The following TMEM67 variants were observed in gnomAD, a reference collection of about 807,000 sequenced individuals.
The protein encoded by TMEM67 is transmembrane protein 67, also known as meckelin.
In TMEM67, 124 loss-of-function variants were observed where a neutral mutation model predicts 136.6. That is an observed-to-expected ratio of 0.91 (90% CI 0.78 to 1.05). The LOEUF is 1.05. Among genes scored for constraint, TMEM67 ranks in the 50% least tolerant of loss-of-function variants. The probability of loss-of-function intolerance (pLI) is 0.00; values close to 1 mark genes in which losing one functional copy is unlikely to be tolerated. For missense variants in TMEM67, 1,107 were observed against 1,178.4 expected (o/e 0.94, Z 0.89); for synonymous variants, 364 against 390.5 (o/e 0.93, Z 0.80).
chr8:93,819,615 C>T (rs1319917144), downstream of TMEM67, among the ~76,000 whole-genome samples: 1 of 152,088 alleles, frequency 6.6e-6, no homozygotes, highest in Non-Finnish European at 1.5e-5. Context: ...CTTAACTGTA[C>T]TTCTGGGTCA....
chr8:93,758,209 G>C (rs1812667045), intron 2 of TMEM67, among the ~76,000 whole-genome samples: 1 of 152,180 alleles, frequency 6.6e-6, no homozygotes, highest in East Asian at 1.9e-4. Flanking sequence ...AATTATGAAA[G>C]AGGCATCCAT....
chr8:93,781,642 C>T lies in TMEM67; in HGVS notation c.979-16C>T, dbSNP rs757127826. 7.8e-5 allele frequency: 110 copies of T among 1,410,406 alleles called. No homozygotes were observed. Among genetic ancestry groups the T allele is most frequent in the South Asian group, 1.5e-4 (12 of 81,360 alleles). 87.4% of individuals were successfully genotyped at this position (1,410,406 alleles called of 1,614,324 possible). On this transcript the variant is annotated splice_polypyrimidine_tract_variant and intron_variant, in intron 9 of 27. Transcript: ENST00000453321. The stretch of plus-strand genomic sequence containing the variant: ...TCAGAGTATTTGACCTGATTTTGCT[C>T]GTTTTCTTTAATCAGAATACAAAAC...
chr8:93,795,303 T>G (rs1814558886), intron 16 of TMEM67, 106 bp from the exon 17 acceptor site: 1 of 944,194 alleles, frequency 1.1e-6, no homozygotes, highest in Non-Finnish European at 1.7e-6. Context: ...AAACAAGGCT[T>G]CAGGCTTAAG....
intron 17 of TMEM67, 96 bp from the exon 18 acceptor site, chr8:93,795,805 C>G: frequency 1.0e-6 from 1 of 993,510 alleles, no homozygotes; most frequent in East Asian, 2.5e-5. Context: ...TGAGACCCTC[C>G]TTTCCCAAAA....
rs773235020 is a variant in TMEM67, at chr8:93,765,392, G to A, written c.507-14G>A. On this transcript the variant is annotated splice_polypyrimidine_tract_variant and intron_variant, in intron 4 of 27. Coordinates refer to ENST00000453321, the MANE Select transcript of TMEM67 (RefSeq NM_153704.6). The stretch of plus-strand genomic sequence containing the variant: ...TATTAACATTTTTAAAATTATTTTT[G>A]TTATATTGAACAGGTGCGTCCGATG... 1 of 1,602,038 alleles carries A rather than the reference G, an allele frequency of 6.2e-7. No homozygotes were observed.
Position 93,763,937 on chromosome 8 carries a change from G to A in TMEM67, c.502G>A (p.Asp168Asn). 6.2e-7 allele frequency: 1 copy of A among 1,607,492 alleles called. No individual in the cohort carries two copies. Among genetic ancestry groups the A allele is most frequent in the Non-Finnish European group, 8.5e-7 (1 of 1,174,104 alleles). Residue 168 changes from aspartate to asparagine, a missense_variant, in exon 4 of 28, where the codon GAC (aspartate) becomes AAC (asparagine). By Grantham distance (23) the Asp-to-Asn change is conservative. Around this residue, in one of 3 missense-constraint regions of TMEM67, gnomAD observed 925 missense variants for 1,002.4 expected, o/e 0.92. Coordinates refer to ENST00000453321, the MANE Select transcript of TMEM67 (RefSeq NM_153704.6). ...NSFMVVNALG[D>N]RCVRCEPTFV... ...TTTTATGGTAGTAAATGCTTTAGGA[G>A]ACAGGTAAGCAGTGTGATGGGGGCT... is the stretch of plus-strand genomic sequence containing the variant.
chr8:93,755,775 T>TTTTTGA lies in TMEM67; in HGVS notation c.224-3_224-2insTTTTGA. The TTTTTGA allele has an allele frequency of 3.9e-6, 5 of 1,281,722 alleles. No individual in the cohort carries two copies. Among genetic ancestry groups the TTTTTGA allele is most frequent in the East Asian group, 2.4e-5 (1 of 41,306 alleles). 79.4% of individuals were successfully genotyped at this position (1,281,722 alleles called of 1,614,324 possible). A position where few individuals can be genotyped will look rare whatever the true frequency, so the allele number is the denominator to read the frequency against. ...GCTTTTTTTTTTTTTTTTTTTTTTT[T>TTTTTGA]AGGAACTTCATGTGTATGTCTACCA... On this transcript the variant is annotated splice_polypyrimidine_tract_variant and splice_region_variant and intron_variant, in intron 1 of 27. Coordinates refer to ENST00000453321, the MANE Select transcript of TMEM67 (RefSeq NM_153704.6).
intron 7 of TMEM67, among the ~76,000 whole-genome samples, chr8:93,777,707 G>A (rs1322987895): frequency 6.6e-6 from 1 of 152,168 alleles, no homozygotes; most frequent in Non-Finnish European, 1.5e-5. Context: ...ATTGCACTGT[G>A]GTCTGAGAGA....
At chr8:93,827,505 C>T in the TMEM67 span, among the ~76,000 whole-genome samples, 1 of 152,254 alleles carries the variant, frequency 6.6e-6, no homozygotes, top group African/African-American at 2.4e-5. Flanking sequence ...GCAAGCGATC[C>T]TCCTGCCTCA....
At chr8:93,781,438 T>G (rs939596858) in intron 9 of TMEM67, among the ~76,000 whole-genome samples, 8 of 152,200 alleles carry the variant, frequency 5.3e-5, no homozygotes, top group Non-Finnish European at 1.2e-4. Context: ...CTGTCACTAG[T>G]GCTGCCTCTC....
rs148968529 is a variant in TMEM67 at position 93,762,713 on chromosome 8, C to T, written c.407-1129C>T. 3.3e-5 allele frequency among the ~76,000 whole-genome samples: 5 copies of T among 152,150 alleles called. No homozygotes were observed. In the East Asian group the frequency reaches 7.7e-4, roughly 24 times the overall value. Reference sequence around the variant, plus strand: ...TTGGATGGCAATATGAAATTTATTACACTTCATGATGTACTAATTTTGGTG... The same window carrying T: ...TTGGATGGCAATATGAAATTTATTATACTTCATGATGTACTAATTTTGGTG... On this transcript the variant is annotated intron_variant, in intron 3 of 27. Transcript: ENST00000453321.
intron 18 of TMEM67, among the ~76,000 whole-genome samples, chr8:93,796,581 AT>A (rs1162795610): frequency 6.6e-6 from 1 of 152,212 alleles, no homozygotes; most frequent in Non-Finnish European, 1.5e-5. Context: ...TATTTGATGA[AT>A]AATGCAGCAA....
At chr8:93,823,294 T>C (rs140766122), downstream of TMEM67, among the ~76,000 whole-genome samples, 10 of 152,312 alleles carry the variant, frequency 6.6e-5, no homozygotes, top group East Asian at 1.9e-3. Flanking sequence ...GCCCACTGGA[T>C]AATTCAGGAT....
Position 93,780,930 on chromosome 8 carries a change from T to G in TMEM67, c.926T>G (p.Val309Gly), listed in dbSNP as rs750006477. 6.2e-7 allele frequency: 1 copy of G among 1,612,284 alleles called. No individual in the cohort carries two copies. Among genetic ancestry groups the G allele is most frequent in the Non-Finnish European group, 8.5e-7 (1 of 1,179,834 alleles). ...GACCAGTTAGGATTAGCACCTCAAG[T>G]GCTCAGTTCTACCTCTCTTCCTACA... ...YGDQLGLAPQ[V>G]LSSTSLPTNF... Residue 309 changes from valine to glycine, a missense_variant, in exon 9 of 28, where the codon GTG (valine) becomes GGG (glycine). Val to Gly is a moderately radical substitution (Grantham distance 109). Transcript: ENST00000453321.
At position 93,755,863 on chromosome 8, in the gene TMEM67, C is replaced by G; in HGVS notation, c.309C>G (p.Asn103Lys). The G allele has an allele frequency of 6.7e-7, 1 of 1,502,358 alleles. No individual in the cohort carries two copies. Among genetic ancestry groups the G allele is most frequent in the Admixed American group, 1.8e-5 (1 of 55,836 alleles). The allele number at this position is 1,502,358 out of a possible 1,614,324, so 93.1% of individuals were successfully genotyped here. A position where few individuals can be genotyped will look rare whatever the true frequency, so the allele number is the denominator to read the frequency against. The stretch of plus-strand genomic sequence containing the variant: ...TTATTTGTAAAAAGTGCCCAGAAAA[C>G]ATGGTGCGCATAATTTATTTTAAAA... ...PAIICKKCPE[N>K]MKGVTEDGWN... is the part of the protein sequence containing the mutation. The change falls in exon 2 of 28, where the codon AAC becomes AAG. Residue 103 changes from asparagine (N) to lysine (K), a missense_variant. Coordinates refer to ENST00000453321, the MANE Select transcript of TMEM67 (RefSeq NM_153704.6).
chr8:93,820,858 G>A (rs1013400707), downstream of TMEM67, among the ~76,000 whole-genome samples: 3 of 152,180 alleles, frequency 2.0e-5, no homozygotes, highest in South Asian at 2.1e-4. Context: ...TGTGCTAGAA[G>A]TAGCAATAGA....
In TMEM67 at chr8:93,799,754, T is replaced by C. The variant is rs947256938; in HGVS notation, c.2237T>C (p.Ile746Thr). 11 of 1,612,988 alleles carry C rather than the reference T, an allele frequency of 6.8e-6. No individual in the cohort carries two copies. Among genetic ancestry groups the C allele is most frequent in the Admixed American group, 6.7e-5 (4 of 59,994 alleles). Residue 746 changes from isoleucine (I) to threonine (T), a missense_variant, in exon 21 of 28, where the codon ATA becomes ACA. Physicochemically the swap from Ile to Thr is moderately conservative, Grantham distance 89. Around this residue, in one of 3 missense-constraint regions of TMEM67, gnomAD observed 925 missense variants for 1,002.4 expected, o/e 0.92. Coordinates refer to ENST00000453321, the MANE Select transcript of TMEM67 (RefSeq NM_153704.6). ...SAALWLAIGI[I>T]QVVFFAVFYE... ...GCTCTTTGGCTAGCCATTGGAATTATACAGGTAAGGAATTATACAGGTAAT... is the reference window on the plus strand; with the variant it reads ...GCTCTTTGGCTAGCCATTGGAATTACACAGGTAAGGAATTATACAGGTAAT...
chr8:93,779,496 A>T (rs1046346186), intron 7 of TMEM67, among the ~76,000 whole-genome samples: 2 of 151,994 alleles, frequency 1.3e-5, no homozygotes, highest in African/African-American at 2.4e-5. Flanking sequence ...TTATGGTTTT[A>T]CCTACCTTTG....
downstream of TMEM67, among the ~76,000 whole-genome samples, chr8:93,820,095 C>T (rs1462295503): frequency 2.0e-5 from 3 of 152,120 alleles, no homozygotes; most frequent in African/African-American, 7.2e-5. Context: ...CTGTTGACCC[C>T]ACCCTGCCTT....
Sources: gnomAD v4.1 joint callset for allele counts (sites outside exome capture counted in the v4.1 genomes callset) on GRCh38, gnomAD v4.1.1 for gene constraint, gnomAD v4.1.1 regional missense constraint, MANE v1.5 for transcripts, NCBI Gene and HGNC (gene_info 2026-07-23, HGNC 2026-07-21) for gene names.